MAGI1: variants seen among roughly 807,000 people sequenced by gnomAD.
MAGI1 encodes membrane associated guanylate kinase, WW and PDZ domain containing 1.
Under a neutral mutation model 139.9 loss-of-function variants are expected in MAGI1, and 58 were observed. The ratio of observed to expected loss-of-function variants is 0.41; its 90% CI spans 0.34 to 0.52. The LOEUF is 0.52. MAGI1 is among the 20% of genes least tolerant of loss of function. The probability of loss-of-function intolerance (pLI) is 0.12; values close to 1 mark genes in which losing one functional copy is unlikely to be tolerated. For synonymous variants in MAGI1, 812 were observed against 737.9 expected (o/e 1.10, Z -1.63); for missense variants, 1,874 against 1,901.6 (o/e 0.99, Z 0.27).
At chr3:66,017,395 G>A (rs564685244) in intron 1 of MAGI1, among the ~76,000 whole-genome samples, 1 of 152,356 alleles carries the variant, frequency 6.6e-6, no homozygotes, top group East Asian at 1.9e-4. Context: ...GCAAGGAAGG[G>A]TGCCTGGCCT....
At chr3:65,625,382 G>A (rs2083917318) in intron 1 of MAGI1, among the ~76,000 whole-genome samples, 1 of 152,144 alleles carries the variant, frequency 6.6e-6, no homozygotes, top group Non-Finnish European at 1.5e-5. Flanking sequence ...TCTCTCTTTA[G>A]AGAGTTGAAG....
chr3:65,440,054 T>C (rs1214024327), intron 8 of MAGI1, 42 bp from the exon 9 acceptor site: 1 of 1,608,780 alleles, frequency 6.2e-7, no homozygotes, highest in Non-Finnish European at 8.5e-7. Context: ...AAACAGTTCA[T>C]CCCACCAGCA....
At chr3:65,953,036 G>A (rs2106976477) in intron 1 of MAGI1, among the ~76,000 whole-genome samples, 1 of 152,204 alleles carries the variant, frequency 6.6e-6, no homozygotes, top group East Asian at 1.9e-4. Context: ...AGACAACTGA[G>A]GCTCAGGGAA....
chr3:65,501,891 A>G (rs948748121), intron 2 of MAGI1, among the ~76,000 whole-genome samples: 1 of 152,210 alleles, frequency 6.6e-6, no homozygotes, highest in African/African-American at 2.4e-5. Context: ...TACACACAGC[A>G]TGGACGAGTC....
At chr3:65,964,380 A>G (rs2064627477) in intron 1 of MAGI1, among the ~76,000 whole-genome samples, 1 of 152,124 alleles carries the variant, frequency 6.6e-6, no homozygotes, top group Non-Finnish European at 1.5e-5. Context: ...TCACCTTGAC[A>G]CTCCAAACAG....
At chr3:65,672,371 G>A (rs2086913895) in intron 1 of MAGI1, among the ~76,000 whole-genome samples, 2 of 152,202 alleles carry the variant, frequency 1.3e-5, no homozygotes, top group Non-Finnish European at 2.9e-5. Flanking sequence ...TGCTAATTAA[G>A]CTCCAAAGGA....
intron 1 of MAGI1, chr3:65,687,477 A>G: frequency 2.6e-6 from 1 of 380,494 alleles, no homozygotes. Flanking sequence ...GCCTTCCTGA[A>G]GAGCAATCAG....
At chr3:65,880,731 C>T (rs1364068000) in intron 1 of MAGI1, among the ~76,000 whole-genome samples, 1 of 152,006 alleles carries the variant, frequency 6.6e-6, no homozygotes, top group Non-Finnish European at 1.5e-5. Context: ...GGAAGAAACA[C>T]TTTTAAGTTT....
chr3:65,665,983 C>T (rs889242761), intron 1 of MAGI1, among the ~76,000 whole-genome samples: 9 of 152,182 alleles, frequency 5.9e-5, no homozygotes, highest in African/African-American at 2.2e-4. Flanking sequence ...ATCCTTGCTT[C>T]CAGGCCACAA....
intron 1 of MAGI1, among the ~76,000 whole-genome samples, chr3:65,653,918 A>G (rs1407340053): frequency 6.6e-6 from 1 of 152,204 alleles, no homozygotes; most frequent in Non-Finnish European, 1.5e-5. Flanking sequence ...CATAGGCGTT[A>G]TATTTCCATG....
chr3:65,877,826 G>T (rs931970375), intron 1 of MAGI1, among the ~76,000 whole-genome samples: 1 of 152,104 alleles, frequency 6.6e-6, no homozygotes, highest in African/African-American at 2.4e-5. Flanking sequence ...AGGAACATGG[G>T]GCCAGGCATG....
rs142052013 is a variant in MAGI1 at position 65,648,385 on chromosome 3, A to G, written c.314-26297T>C. 7.0e-3 allele frequency among the ~76,000 whole-genome samples: 1,066 copies of G among 152,180 alleles called. 17 individuals carry two copies. The highest frequency in any genetic ancestry group is 0.025 in the African/African-American group (1,026 of 41,528). ...AGCTGTTCACTAACTCCTGGACTCA[A>G]GGGATCTTCCTGCCTCAGCCTCCCA... is the stretch of plus-strand genomic sequence containing the variant. On this transcript the variant is annotated intron_variant, in intron 1 of 22. Transcript: ENST00000402939.
intron 1 of MAGI1, among the ~76,000 whole-genome samples, chr3:65,727,112 T>C (rs1344974711): frequency 6.6e-6 from 1 of 152,132 alleles, no homozygotes; most frequent in African/African-American, 2.4e-5. Context: ...CAAATATGTG[T>C]AGGAAGTAGT....
chr3:65,803,230 GATATT>G (rs2040628525), intron 1 of MAGI1, among the ~76,000 whole-genome samples: 1 of 151,954 alleles, frequency 6.6e-6, no homozygotes, highest in African/African-American at 2.4e-5. Context: ...GGAATCCTGC[GATATT>G]ATAACAGCAG....
intron 2 of MAGI1, among the ~76,000 whole-genome samples, chr3:65,516,121 G>T (rs906800376): frequency 1.3e-5 from 2 of 152,178 alleles, no homozygotes; most frequent in Non-Finnish European, 2.9e-5. Context: ...TGAGAGAATT[G>T]CCTGAGCACA....
intron 2 of MAGI1, among the ~76,000 whole-genome samples, chr3:65,536,805 C>T (rs1576235047): frequency 6.6e-6 from 1 of 152,178 alleles, no homozygotes; most frequent in Non-Finnish European, 1.5e-5. Flanking sequence ...GGATGGGACT[C>T]TAACACTGCT....
chr3:66,034,174 C>T (rs929777353), intron 1 of MAGI1, among the ~76,000 whole-genome samples: 3 of 152,084 alleles, frequency 2.0e-5, no homozygotes, highest in African/African-American at 4.8e-5. Context: ...CCCCATCCCC[C>T]GCAAAGCTTC....
intron 13 of MAGI1, among the ~76,000 whole-genome samples, chr3:65,392,286 C>G (rs1004573998): frequency 3.3e-5 from 5 of 152,124 alleles, no homozygotes; most frequent in South Asian, 2.1e-4. Flanking sequence ...GTGGGTAGAA[C>G]AGAAAATAAC....
chr3:65,812,699 CTTTTTTTTTTTTTTTT>C (rs539502538), intron 1 of MAGI1, among the ~76,000 whole-genome samples: 3 of 72,890 alleles, frequency 4.1e-5, no homozygotes, highest in Non-Finnish European at 7.3e-5. Flanking sequence ...AGTTAGTTTA[CTTTTTTTTTTTTTTTT>C]TTTTTTTTTT....
Sources: allele counts gnomAD v4.1 joint callset (sites outside exome capture counted in the v4.1 genomes callset), GRCh38; gene constraint gnomAD v4.1.1; transcripts MANE v1.5; gene names NCBI Gene and HGNC (gene_info 2026-07-23, HGNC 2026-07-21).